Variants in DISC1 observed in about 807,000 individuals in gnomAD.
The protein encoded by DISC1 is disrupted in schizophrenia 1 protein.
DISC1 carries 57 observed loss-of-function variants against 84.5 expected under a neutral mutation model. The observed-to-expected ratio is 0.67, with a 90% CI of 0.55 to 0.84. The LOEUF is 0.84. Among genes scored for constraint, DISC1 ranks in the 40% least tolerant of loss-of-function variants. The pLI is 0.00. For synonymous variants in DISC1, 411 were observed against 415.2 expected (o/e 0.99, Z 0.12); for missense variants, 1,000 against 1,057.8 (o/e 0.95, Z 0.76).
At chr1:231,632,247 C>T (rs138512175) in intron 1 of DISC1, among the ~76,000 whole-genome samples, 1 of 152,168 alleles carries the variant, frequency 6.6e-6, no homozygotes, top group East Asian at 1.9e-4. Context: ...AGAAAGTGTC[C>T]CTGTCAATAA....
chr1:231,931,979 A>G (rs2090690518), intron 9 of DISC1, among the ~76,000 whole-genome samples: 2 of 152,072 alleles, frequency 1.3e-5, no homozygotes, highest in South Asian at 4.2e-4. Context: ...TCACCAGCTC[A>G]TGGCCGTGGG....
At chr1:231,989,935 T>C (rs976323451) in intron 10 of DISC1, among the ~76,000 whole-genome samples, 2 of 152,156 alleles carry the variant, frequency 1.3e-5, no homozygotes, top group African/African-American at 4.8e-5. Context: ...GCAGTCTGGC[T>C]TCTACACTAC....
Position 232,009,725 on chromosome 1 carries a change from A to C in DISC1, c.2307+676A>C. 7.4e-6 allele frequency: 4 copies of C among 540,110 alleles called. No homozygotes were observed. Among genetic ancestry groups the C allele is most frequent in the Non-Finnish European group, 7.1e-6 (3 of 423,886 alleles). 33.5% of individuals were successfully genotyped at this position (540,110 alleles called of 1,614,324 possible). ...TCCTCACTTTCCTCCTCCCACCCTA[A>C]CAAGAGTCTTTTCCATAAAAAGGCC... On this transcript the variant is annotated intron_variant, in intron 11 of 12. Transcript: ENST00000439617. This position sits in a 1 kb window ranked among gnomAD's most constrained non-coding sequence, Gnocchi z 4.6.
At position 231,803,887 on chromosome 1, in the gene DISC1, C is replaced by T. The variant is rs9432009; in HGVS notation, c.1792+3677C>T. 5.4e-5 allele frequency among the ~76,000 whole-genome samples: 7 copies of T among 129,052 alleles called. No homozygotes were observed. The Admixed American group carries it at 5.7e-4, about 10-fold the overall frequency. The allele number at this position is 129,052 out of a possible 152,430, so 84.7% of individuals were successfully genotyped here. A position where few individuals can be genotyped will look rare whatever the true frequency, so the allele number is the denominator to read the frequency against. On this transcript the variant is annotated intron_variant, in intron 8 of 12. Transcript: ENST00000439617. ...GGCATGAACCGGGAGGCGGAGCTTG[C>T]GGTGAGCCCATATCGCGCCACTACA...
intron 9 of DISC1, among the ~76,000 whole-genome samples, chr1:231,861,234 C>T (rs903451584): frequency 2.6e-5 from 4 of 152,012 alleles, no homozygotes; most frequent in African/African-American, 4.8e-5. Flanking sequence ...GAGTGTGCTT[C>T]GGGTGGAGTG....
At position 231,835,214 on chromosome 1, in the gene DISC1, G is replaced by A. The variant is rs540749515; in HGVS notation, c.1981+16697G>A. 2.8e-4 allele frequency among the ~76,000 whole-genome samples: 42 copies of A among 152,316 alleles called. No individual in the cohort carries two copies. In the East Asian group the frequency reaches 7.5e-3, roughly 27 times the overall value. On this transcript the variant is annotated intron_variant, in intron 9 of 12. Transcript: ENST00000439617. ...ATTGATCTCCCAAGGGGGGTCCCCC[G>A]ATCTGAGTCACGGCACCAAATTTCA...
intron 10 of DISC1, among the ~76,000 whole-genome samples, chr1:231,992,941 G>A (rs1302213210): frequency 6.6e-6 from 1 of 152,080 alleles, no homozygotes; most frequent in Non-Finnish European, 1.5e-5. Context: ...TCCCAAACCT[G>A]ATTAATTACA....
chr1:231,725,126 CAGCAACCACAGTG>C (rs1229766641), intron 3 of DISC1, among the ~76,000 whole-genome samples: 1 of 152,084 alleles, frequency 6.6e-6, no homozygotes, highest in East Asian at 1.9e-4. Flanking sequence ...CCTCGCTGTG[CAGCAACCACAGTG>C]ACGTCCCCAG....
intron 12 of DISC1, among the ~76,000 whole-genome samples, chr1:232,029,857 T>A (rs1669835197): frequency 1.3e-5 from 2 of 152,152 alleles, no homozygotes; most frequent in Admixed American, 1.3e-4. Flanking sequence ...TCCAAATAGG[T>A]CCTTGTGGCC....
At chr1:231,673,692 T>G (rs975777506) in intron 1 of DISC1, among the ~76,000 whole-genome samples, 2 of 152,234 alleles carry the variant, frequency 1.3e-5, no homozygotes, top group African/African-American at 4.8e-5. Flanking sequence ...TTTGAAGAAC[T>G]GGGAAGCATG....
chr1:231,762,892 T>C (rs1242305533), intron 4 of DISC1, among the ~76,000 whole-genome samples: 2 of 152,162 alleles, frequency 1.3e-5, no homozygotes, highest in African/African-American at 4.8e-5. Flanking sequence ...TTTGTTATCA[T>C]CATCACTGTC....
At chr1:231,999,341 A>G (rs1394361023) in intron 10 of DISC1, among the ~76,000 whole-genome samples, 1 of 152,180 alleles carries the variant, frequency 6.6e-6, no homozygotes, top group Admixed American at 6.5e-5. Context: ...AGGGCTTCCT[A>G]CATACCTACT....
chr1:231,887,390 C>T (rs962688300), intron 9 of DISC1, among the ~76,000 whole-genome samples: 1 of 152,144 alleles, frequency 6.6e-6, no homozygotes, highest in Non-Finnish European at 1.5e-5. Context: ...AGTTATGTAG[C>T]GTTGACTTGT....
At chr1:231,641,617 T>TA (rs1040737014) in intron 1 of DISC1, among the ~76,000 whole-genome samples, 22 of 152,196 alleles carry the variant, frequency 1.4e-4, no homozygotes, top group African/African-American at 5.1e-4. Context: ...AGCCTGCTTT[T>TA]ATTCTCTTAT....
intron 9 of DISC1, among the ~76,000 whole-genome samples, chr1:231,923,127 CA>C (rs1268806017): frequency 6.7e-6 from 1 of 149,888 alleles, no homozygotes; most frequent in Admixed American, 6.6e-5. Flanking sequence ...AACACACACA[CA>C]AAAAAAAAGT....
At chr1:231,786,455 G>T (rs11576260) in intron 6 of DISC1, among the ~76,000 whole-genome samples, 67,510 of 152,018 alleles carry the variant, frequency 0.44, 15,343 homozygotes, top group Admixed American at 0.51. Flanking sequence ...TTTGGGGCAG[G>T]TGTGTTGTTG....
intron 9 of DISC1, among the ~76,000 whole-genome samples, chr1:231,947,662 G>C (rs1228884722): frequency 6.6e-6 from 1 of 152,178 alleles, no homozygotes; most frequent in African/African-American, 2.4e-5. Context: ...TCATCAGCAT[G>C]AACAGGCAAC....
chr1:231,841,158 G>A (rs1003758796), intron 9 of DISC1, among the ~76,000 whole-genome samples: 2 of 152,166 alleles, frequency 1.3e-5, no homozygotes, highest in African/African-American at 2.4e-5. Context: ...ATTCTCCACA[G>A]GTAATTATGC....
At chr1:231,885,359 G>A (rs910294889) in intron 9 of DISC1, among the ~76,000 whole-genome samples, 10 of 152,166 alleles carry the variant, frequency 6.6e-5, no homozygotes, top group South Asian at 2.1e-4. Context: ...AGTTTTGAAC[G>A]CTGAATCATA....
Sources: allele counts gnomAD v4.1 joint callset (sites outside exome capture counted in the v4.1 genomes callset), GRCh38; gene constraint gnomAD v4.1.1; non-coding constraint Gnocchi (gnomAD v3.1); transcripts MANE v1.5; gene names NCBI Gene and HGNC (gene_info 2026-07-23, HGNC 2026-07-21).